PMEPA1: variants seen among roughly 807,000 people sequenced by gnomAD.
PMEPA1 encodes protein TMEPAI.
In PMEPA1, 11 loss-of-function variants were observed where a neutral mutation model predicts 23.0. The ratio of observed to expected loss-of-function variants is 0.48; its 90% CI spans 0.30 to 0.79. The LOEUF is 0.79. PMEPA1 is among the 30% of genes least tolerant of loss of function. The pLI, the probability that PMEPA1 is intolerant of heterozygous loss-of-function variation, is 0.06. For missense variants in PMEPA1, 377 were observed against 390.9 expected, an observed-to-expected ratio of 0.96 and a Z score of 0.30; for synonymous variants, 204 against 166.4, an observed-to-expected ratio of 1.23 and a Z score of -1.74.
At chr20:57,663,419 G>A (rs1301020671) in intron 1 of PMEPA1, among the ~76,000 whole-genome samples, 1 of 152,130 alleles carries the variant, frequency 6.6e-6, no homozygotes. Context: ...GTCAGCGGGG[G>A]GACGGTGGGC....
chr20:57,687,714 T>C (rs1010996300), intron 1 of PMEPA1, among the ~76,000 whole-genome samples: 6 of 152,130 alleles, frequency 3.9e-5, no homozygotes, highest in African/African-American at 1.2e-4. Flanking sequence ...TCAGGGGCAT[T>C]TGGGGAGCAA....
At chr20:57,667,677 G>A (rs984439389) in intron 1 of PMEPA1, among the ~76,000 whole-genome samples, 1 of 152,192 alleles carries the variant, frequency 6.6e-6, no homozygotes, top group African/African-American at 2.4e-5. Context: ...AGGAATTGGC[G>A]CTGTCTGAAA....
At chr20:57,677,727 G>A (rs1459794931) in intron 1 of PMEPA1, among the ~76,000 whole-genome samples, 1 of 152,200 alleles carries the variant, frequency 6.6e-6, no homozygotes, top group African/African-American at 2.4e-5. Context: ...ACCTGTGCAT[G>A]AGTGTTCACG....
chr20:57,659,486 C>T (rs2071377821), intron 2 of PMEPA1, 57 bp downstream of exon 2: 2 of 1,565,700 alleles, frequency 1.3e-6, no homozygotes, highest in Non-Finnish European at 8.7e-7. Flanking sequence ...TGAGTTTTTA[C>T]AAGGGGCGTC....
intron 1 of PMEPA1, among the ~76,000 whole-genome samples, chr20:57,670,213 G>C (rs1003530330): frequency 2.8e-5 from 4 of 144,356 alleles, no homozygotes; most frequent in African/African-American, 1.0e-4. Flanking sequence ...GGTGGGGGGG[G>C]TAGTACATGG....
chr20:57,699,302 A>G (rs369889593), intron 1 of PMEPA1, among the ~76,000 whole-genome samples: 1 of 152,304 alleles, frequency 6.6e-6, no homozygotes, highest in South Asian at 2.1e-4. Flanking sequence ...CCTACTTACC[A>G]TCGGCACCAA....
intron 1 of PMEPA1, among the ~76,000 whole-genome samples, chr20:57,661,354 C>T (rs1234496976): frequency 7.2e-5 from 11 of 152,198 alleles, no homozygotes; most frequent in South Asian, 2.1e-4. Context: ...GGAGTTGACA[C>T]GGCAGAGTGG....
chr20:57,698,215 G>C (rs923369513), intron 1 of PMEPA1, among the ~76,000 whole-genome samples: 2 of 152,188 alleles, frequency 1.3e-5, no homozygotes, highest in African/African-American at 4.8e-5. Flanking sequence ...ATCAACAGCA[G>C]CAAATGGAGT....
At chr20:57,660,700 A>C (rs2071404516) in intron 1 of PMEPA1, among the ~76,000 whole-genome samples, 1 of 141,298 alleles carries the variant, frequency 7.1e-6, no homozygotes, top group Non-Finnish European at 1.5e-5. Flanking sequence ...CAACACTCCT[A>C]CACAAATAAC....
intron 1 of PMEPA1, among the ~76,000 whole-genome samples, chr20:57,661,059 G>C (rs1037736525): frequency 1.3e-5 from 2 of 152,216 alleles, no homozygotes; most frequent in Non-Finnish European, 2.9e-5. Context: ...CCTCCTCTTG[G>C]TGAAAAGGCC....
chr20:57,671,821 A>G (rs1053698124), intron 1 of PMEPA1, among the ~76,000 whole-genome samples: 2 of 152,244 alleles, frequency 1.3e-5, no homozygotes, highest in Admixed American at 6.5e-5. Context: ...GGCTAGAAGC[A>G]CCATCAATCC....
At chr20:57,660,371 CACA>C (rs1185599924) in intron 1 of PMEPA1, among the ~76,000 whole-genome samples, 2 of 151,340 alleles carry the variant, frequency 1.3e-5, no homozygotes, top group African/African-American at 4.9e-5. Context: ...CTCCTACACA[CACA>C]ACGCTCCTAA....
chr20:57,660,831 C>G (rs1016643935), intron 1 of PMEPA1, among the ~76,000 whole-genome samples: 3 of 151,956 alleles, frequency 2.0e-5, no homozygotes, highest in Admixed American at 6.6e-5. Flanking sequence ...CTCCTACACA[C>G]ACGTCAACAC....
At chr20:57,694,621 T>C (rs578253014) in intron 1 of PMEPA1, among the ~76,000 whole-genome samples, 2 of 152,334 alleles carry the variant, frequency 1.3e-5, no homozygotes, top group East Asian at 3.9e-4. Context: ...TCATGCACCC[T>C]TGGGCAATTG....
chr20:57,658,323 T>G (rs1288970918), intron 2 of PMEPA1, among the ~76,000 whole-genome samples: 1 of 152,176 alleles, frequency 6.6e-6, no homozygotes, highest in Non-Finnish European at 1.5e-5. Context: ...CCACTTCACC[T>G]GGTCCTGCAC....
chr20:57,649,181 T>C lies in PMEPA1; in HGVS notation c.*2872A>G, dbSNP rs2071188309. 1 of 152,394 alleles carries C rather than the reference T, an allele frequency of 6.6e-6. No individual in the cohort carries two copies. Among genetic ancestry groups the C allele is most frequent in the Non-Finnish European group, 1.5e-5 (1 of 68,082 alleles). The allele number at this position is 152,394 out of a possible 1,614,324, so 9.4% of individuals were successfully genotyped here. A position where few individuals can be genotyped will look rare whatever the true frequency, so the allele number is the denominator to read the frequency against. On this transcript the variant is annotated 3_prime_UTR_variant, in exon 4 of 4. Transcript: ENST00000341744. The stretch of plus-strand genomic sequence containing the variant: ...TTGTCCCCTTCCAATCAGCCACTTC[T>C]GAGAACCCCCATCTAACTTCCTACT...
At chr20:57,678,265 T>C (rs992165207) in intron 1 of PMEPA1, among the ~76,000 whole-genome samples, 6 of 152,394 alleles carry the variant, frequency 3.9e-5, no homozygotes, top group Admixed American at 2.0e-4. Flanking sequence ...ACTACAGTTA[T>C]GTAAGACGGT....
At chr20:57,665,507 C>CAAAAA (rs77601752) in intron 1 of PMEPA1, among the ~76,000 whole-genome samples, 38 of 86,068 alleles carry the variant, frequency 4.4e-4, no homozygotes, top group African/African-American at 1.2e-3. Context: ...CCTCATCTGT[C>CAAAAA]AAAAAAAAAA....
intron 1 of PMEPA1, among the ~76,000 whole-genome samples, chr20:57,697,437 T>C (rs2071956073): frequency 6.6e-6 from 1 of 152,226 alleles, no homozygotes; most frequent in East Asian, 1.9e-4. Flanking sequence ...CCCTCATCTA[T>C]ACTTTGGAAG....
Sources: allele counts gnomAD v4.1 joint callset (sites outside exome capture counted in the v4.1 genomes callset), GRCh38; gene constraint gnomAD v4.1.1; transcripts MANE v1.5; gene names NCBI Gene and HGNC (gene_info 2026-07-23, HGNC 2026-07-21).